ZNF804B: variants seen among roughly 807,000 people sequenced by gnomAD.
The protein encoded by ZNF804B is zinc finger protein 804B, also known as zinc finger 804B.
A neutral mutation model predicts 101.4 loss-of-function variants in ZNF804B; 80 were observed. The observed-to-expected ratio is 0.79, with a 90% confidence interval of 0.66 to 0.95. ZNF804B has a LOEUF of 0.95. Among genes scored for constraint, ZNF804B ranks in the 40% least tolerant of loss-of-function variants. The probability of loss-of-function intolerance (pLI) is 0.00; values close to 1 mark genes in which losing one functional copy is unlikely to be tolerated. For synonymous variants in ZNF804B, 622 were observed against 558.8 expected, an observed-to-expected ratio of 1.11 and a Z score of -1.59; for missense variants, 1,673 against 1,561.9, an observed-to-expected ratio of 1.07 and a Z score of -1.20.
intron 1 of ZNF804B, among the ~76,000 whole-genome samples, chr7:88,766,132 C>A (rs1789979942): frequency 6.6e-6 from 1 of 151,994 alleles, no homozygotes; most frequent in South Asian, 2.1e-4. Flanking sequence ...GGCAACAAAG[C>A]AAGACCACAT....
At chr7:89,268,963 T>G (rs949502478) in intron 2 of ZNF804B, among the ~76,000 whole-genome samples, 3 of 152,150 alleles carry the variant, frequency 2.0e-5, no homozygotes, top group Non-Finnish European at 4.4e-5. Context: ...TCCAAATGTT[T>G]TGTCAACATC....
intron 1 of ZNF804B, among the ~76,000 whole-genome samples, chr7:88,799,627 G>T (rs1790548303): frequency 6.6e-6 from 1 of 151,972 alleles, no homozygotes; most frequent in South Asian, 2.1e-4. Context: ...CTACTCATTT[G>T]TCTCAGATTT....
intron 1 of ZNF804B, among the ~76,000 whole-genome samples, chr7:88,874,310 A>G (rs1390727050): frequency 2.0e-5 from 3 of 151,882 alleles, no homozygotes; most frequent in Admixed American, 6.6e-5. Flanking sequence ...TGATTTTTGT[A>G]CATTGATTTT....
At chr7:89,016,130 G>A (rs1221628152) in intron 1 of ZNF804B, among the ~76,000 whole-genome samples, 1 of 151,960 alleles carries the variant, frequency 6.6e-6, no homozygotes, top group African/African-American at 2.4e-5. Context: ...CTGCATAAAT[G>A]TCTTCTTTTG....
intron 1 of ZNF804B, among the ~76,000 whole-genome samples, chr7:88,872,361 G>A (rs1791840288): frequency 6.6e-6 from 1 of 151,628 alleles, no homozygotes; most frequent in Admixed American, 6.6e-5. Context: ...AGGCTGCAGT[G>A]AGCTATGATT....
At chr7:89,150,138 G>C (rs1009663202) in intron 1 of ZNF804B, among the ~76,000 whole-genome samples, 4 of 151,936 alleles carry the variant, frequency 2.6e-5, no homozygotes, top group Non-Finnish European at 5.9e-5. Flanking sequence ...TTTCAGTCAT[G>C]AATCATTCTG....
At position 88,815,464 on chromosome 7, in the gene ZNF804B, A is replaced by G. The variant is rs553497972; in HGVS notation, c.108+55380A>G. ...ATATGTATATAACTATATGTTAGGT[A>G]TGTTATTAGAATATATTATATATAT... On this transcript the variant is annotated intron_variant, in intron 1 of 3. Transcript: ENST00000333190. Among the ~76,000 whole-genome samples, 173 of 149,584 alleles carry G rather than the reference A, an allele frequency of 1.2e-3. 2 individuals carry two copies. The highest frequency in any genetic ancestry group is 4.1e-3 in the African/African-American group (170 of 41,062).
intron 1 of ZNF804B, among the ~76,000 whole-genome samples, chr7:88,897,534 C>CTG (rs34961582): frequency 0.46 from 69,913 of 151,854 alleles, 18,170 homozygotes; most frequent in African/African-American, 0.71. Flanking sequence ...ATACCACTAA[C>CTG]TGGTAATTTG....
At chr7:89,196,788 C>T (rs2115634909) in intron 1 of ZNF804B, among the ~76,000 whole-genome samples, 1 of 150,120 alleles carries the variant, frequency 6.7e-6, no homozygotes, top group Non-Finnish European at 1.5e-5. Flanking sequence ...GAAAAAAACC[C>T]TATTAAAAAA....
At chr7:89,266,877 T>TTGTGTGTGTG (rs66604616) in intron 2 of ZNF804B, among the ~76,000 whole-genome samples, 17 of 150,982 alleles carry the variant, frequency 1.1e-4, no homozygotes, top group African/African-American at 2.0e-4. Flanking sequence ...GTGTCTGTGT[T>TTGTGTGTGTG]TGTGTGTGTG....
At chr7:88,944,592 T>C (rs1793099995) in intron 1 of ZNF804B, among the ~76,000 whole-genome samples, 1 of 151,584 alleles carries the variant, frequency 6.6e-6, no homozygotes, top group Admixed American at 6.6e-5. Flanking sequence ...AAAATAATAA[T>C]ACAACAATAA....
chr7:89,156,649 T>C (rs2116414021), intron 1 of ZNF804B, among the ~76,000 whole-genome samples: 1 of 152,282 alleles, frequency 6.6e-6, no homozygotes, highest in South Asian at 2.1e-4. Context: ...TCTATATATT[T>C]ACAGAAACTG....
chr7:88,854,552 TTC>T (rs1791525888), intron 1 of ZNF804B, among the ~76,000 whole-genome samples: 1 of 129,432 alleles, frequency 7.7e-6, no homozygotes, highest in African/African-American at 3.0e-5. Flanking sequence ...CCTTCCTTCC[TTC>T]CTTCCTTCCT....
At chr7:88,783,915 G>GTTTAATGAATATACA (rs1321049555) in intron 1 of ZNF804B, among the ~76,000 whole-genome samples, 4 of 152,078 alleles carry the variant, frequency 2.6e-5, no homozygotes, top group African/African-American at 9.7e-5. Context: ...TCATAGTCAA[G>GTTTAATGAATATACA]TTTAATGAAT....
At chr7:88,942,501 AGTGTGTGT>A (rs72429940) in intron 1 of ZNF804B, among the ~76,000 whole-genome samples, 1 of 86,918 alleles carries the variant, frequency 1.2e-5, no homozygotes, top group Non-Finnish European at 2.8e-5. Flanking sequence ...TATTTGAGTG[AGTGTGTGT>A]GTGTGTGTGT....
intron 1 of ZNF804B, among the ~76,000 whole-genome samples, chr7:88,919,485 A>G (rs1029274111): frequency 1.3e-5 from 2 of 152,162 alleles, no homozygotes; most frequent in African/African-American, 4.8e-5. Flanking sequence ...TTTAACATCC[A>G]TTTGGTCTCT....
intron 2 of ZNF804B, among the ~76,000 whole-genome samples, chr7:89,220,047 A>ATATATACGCACATATATGTGTG (rs1562920296): frequency 2.1e-4 from 8 of 38,768 alleles, no homozygotes; most frequent in African/African-American, 8.3e-4. Context: ...ATATATGTGC[A>ATATATACGCACATATATGTGTG]TATATACATA....
intron 2 of ZNF804B, among the ~76,000 whole-genome samples, chr7:89,316,956 G>GGGGCCAGCAA: frequency 6.6e-6 from 1 of 152,296 alleles, no homozygotes; most frequent in Admixed American, 6.5e-5. Flanking sequence ...AAGATCTTTT[G>GGGGCCAGCAA]TCACTTAAAG....
In ZNF804B at chr7:89,191,029, C is replaced by T. The variant is rs575174220; in HGVS notation, c.109-27126C>T. ...TGTTTGCTTTATTTTCAGTGATCTG[C>T]AACTGAACCAATGATATCTCCGAGT... is the stretch of plus-strand genomic sequence containing the variant. On this transcript the variant is annotated intron_variant, in intron 1 of 3. Transcript: ENST00000333190. Among the ~76,000 whole-genome samples the T allele has an allele frequency of 1.5e-4, 23 of 152,194 alleles. No homozygotes were observed. The East Asian group carries it at 3.5e-3, about 23-fold the overall frequency.
Sources: gnomAD v4.1 joint callset for allele counts (sites outside exome capture counted in the v4.1 genomes callset) on GRCh38, gnomAD v4.1.1 for gene constraint, MANE v1.5 for transcripts, NCBI Gene and HGNC (gene_info 2026-07-23, HGNC 2026-07-21) for gene names.